ZNF85: variants seen among roughly 807,000 people sequenced by gnomAD.
ZNF85 encodes zinc finger protein 85, also known as zinc finger protein 85 (HPF4, HTF1).
Under a neutral mutation model 53.9 loss-of-function variants are expected in ZNF85, and 50 were observed. The ratio of observed to expected loss-of-function variants is 0.93; its 90% CI spans 0.74 to 1.17. The LOEUF is 1.17. Ranked by LOEUF, ZNF85 falls within the 50% of genes most tolerant of loss-of-function variation. The probability of loss-of-function intolerance (pLI) is 0.00; values close to 1 mark genes in which losing one functional copy is unlikely to be tolerated. For synonymous variants in ZNF85, 225 were observed against 226.1 expected, an observed-to-expected ratio of 1.00 and a Z score of 0.04; for missense variants, 747 against 688.5, an observed-to-expected ratio of 1.08 and a Z score of -0.95.
Position 20,923,488 on chromosome 19 carries a change from C to G in ZNF85, c.3+85C>G, listed in dbSNP as rs532517191. 8 of 1,602,248 alleles carry G rather than the reference C, an allele frequency of 5.0e-6. No homozygotes were observed. The East Asian group carries it at 1.8e-4, about 36-fold the overall frequency. ...GCGGCTGTGGCGGGACTCAGGCCTC[C>G]CTGTAGTCAGCTCCACAATCTGCGC... is the stretch of plus-strand genomic sequence containing the variant. On this transcript the variant is annotated intron_variant, in intron 1 of 3. Transcript: ENST00000328178.
chr19:20,944,953 A>G (rs56274621), intron 3 of ZNF85, among the ~76,000 whole-genome samples: 17,160 of 151,990 alleles, frequency 0.11, 989 homozygotes, highest in Middle Eastern at 0.13. Flanking sequence ...TTGTGTATTT[A>G]TTGTGTAGTT....
intron 3 of ZNF85, among the ~76,000 whole-genome samples, chr19:20,946,962 T>G (rs1186893747): frequency 2.0e-5 from 3 of 150,446 alleles, no homozygotes; most frequent in Non-Finnish European, 4.5e-5. Context: ...GAAACAGACT[T>G]ACAAATGTTA....
intron 1 of ZNF85, among the ~76,000 whole-genome samples, chr19:20,933,192 C>CAAA (rs10532648): frequency 9.2e-6 from 1 of 108,744 alleles, no homozygotes; most frequent in Non-Finnish European, 1.9e-5. Flanking sequence ...GACTCCGTCT[C>CAAA]AAAAAAAAAA....
rs1429270825 is a variant in ZNF85 at position 20,934,259 on chromosome 19, TC to T, written c.130+112del. On this transcript the variant is annotated intron_variant, in intron 2 of 3. Transcript: ENST00000328178. ...GTGCTTTGCATAAATTAGTTTCAGA[TC>T]CCTGTTTTCAAGAAAATCTTGGGGA... 2.0e-5 allele frequency: 28 copies of T among 1,402,012 alleles called. No individual in the cohort carries two copies. In the Admixed American group the frequency reaches 6.5e-4, roughly 32 times the overall value. 86.8% of individuals were successfully genotyped at this position (1,402,012 alleles called of 1,614,324 possible).
chr19:20,929,482 C>A (rs1972957887), intron 1 of ZNF85, among the ~76,000 whole-genome samples: 1 of 151,988 alleles, frequency 6.6e-6, no homozygotes, highest in African/African-American at 2.4e-5. Flanking sequence ...CTGCACCCAG[C>A]CTATTTCTAT....
chr19:20,933,993 G>GTGTGTA, intron 1 of ZNF85, 31 bp from the exon 2 acceptor site: 4 of 1,307,744 alleles, frequency 3.1e-6, no homozygotes, highest in African/African-American at 1.6e-5. Flanking sequence ...GTGTGTGTGT[G>GTGTGTA]TGTGTATGTG....
intron 3 of ZNF85, chr19:20,942,894 G>A: frequency 8.8e-6 from 6 of 685,160 alleles, no homozygotes; most frequent in South Asian, 7.7e-5. Flanking sequence ...TTCCACCTCA[G>A]CCTCCCGAGT....
chr19:20,932,483 AT>A (rs1225600227), intron 1 of ZNF85, among the ~76,000 whole-genome samples: 2 of 152,178 alleles, frequency 1.3e-5, no homozygotes, highest in Admixed American at 6.5e-5. Flanking sequence ...AATCTGCACT[AT>A]TAAAAATGTT....
chr19:20,950,422 A>G lies in ZNF85; in HGVS notation c.*120A>G, dbSNP rs1973556288. On this transcript the variant is annotated 3_prime_UTR_variant, in exon 4 of 4. Transcript: ENST00000328178. ...AATTTTGACAACACCTCAGACTTAT[A>G]AAAGTAATCATACTGGTGAGAAATT... is the stretch of plus-strand genomic sequence containing the variant. The G allele has an allele frequency of 7.5e-6, 4 of 529,858 alleles. No individual in the cohort carries two copies. Among genetic ancestry groups the G allele is most frequent in the Non-Finnish European group, 1.2e-5 (4 of 327,574 alleles). 32.8% of individuals were successfully genotyped at this position (529,858 alleles called of 1,614,324 possible). A position where few individuals can be genotyped will look rare whatever the true frequency, so the allele number is the denominator to read the frequency against.
Position 20,948,737 on chromosome 19 carries a change from C to T in ZNF85, c.230-7C>T, listed in dbSNP as rs780051993. 9 of 1,515,354 alleles carry T rather than the reference C, an allele frequency of 5.9e-6. No individual in the cohort carries two copies. In the East Asian group the frequency reaches 9.1e-5, roughly 15 times the overall value. 93.9% of individuals were successfully genotyped at this position (1,515,354 alleles called of 1,614,324 possible). ...GTGGAGTAATTTGTCATTTTTGTTT[C>T]TTTCAGTTATGTGTTCTCATTTTGC... On this transcript the variant is annotated splice_polypyrimidine_tract_variant and splice_region_variant and intron_variant, in intron 3 of 3. Coordinates refer to ENST00000328178, the MANE Select transcript of ZNF85 (RefSeq NM_003429.5).
intron 1 of ZNF85, among the ~76,000 whole-genome samples, chr19:20,923,615 C>T (rs1198349687): frequency 1.3e-5 from 2 of 152,200 alleles, no homozygotes; most frequent in Non-Finnish European, 2.9e-5. Context: ...TGCGCAGTGA[C>T]TGTGCCCTGG....
chr19:20,935,821 A>G, intron 3 of ZNF85, among the ~76,000 whole-genome samples: 1 of 152,154 alleles, frequency 6.6e-6, no homozygotes, highest in Non-Finnish European at 1.5e-5. Flanking sequence ...AAGTGCTAGG[A>G]TTACAGGCGT....
intron 3 of ZNF85, among the ~76,000 whole-genome samples, chr19:20,936,261 T>C (rs1450285420): frequency 7.2e-6 from 1 of 138,416 alleles, no homozygotes. Context: ...CTTTTACTTA[T>C]TTGTCTTCAA....
chr19:20,948,918 A>G lies in ZNF85; in HGVS notation c.404A>G (p.Asn135Ser), dbSNP rs781095483. ...CACAAAGGAGGTTGTAATGGACTTA[A>G]CCAATGTCTCACAGCTACCCAGAGC... is the stretch of plus-strand genomic sequence containing the variant. ...KMHKGGCNGLNQCLTATQSKI... is the reference protein window; with the variant it reads ...KMHKGGCNGLSQCLTATQSKI... The change falls in exon 4 of 4, where the codon AAC becomes AGC. Residue 135 changes from asparagine to serine, a missense_variant. Physicochemically the swap from Asn to Ser is conservative, Grantham distance 46. Transcript: ENST00000328178. 1 of 1,613,748 alleles carries G rather than the reference A, an allele frequency of 6.2e-7. No individual in the cohort carries two copies. The highest frequency in any genetic ancestry group is 1.1e-5 in the South Asian group (1 of 91,024).
At chr19:20,925,014 A>C (rs1972846461) in intron 1 of ZNF85, among the ~76,000 whole-genome samples, 1 of 152,132 alleles carries the variant, frequency 6.6e-6, no homozygotes, top group African/African-American at 2.4e-5. Flanking sequence ...TAGAGTGTCT[A>C]GTGAATATCA....
rs191770529 is a variant in ZNF85 at position 20,943,956 on chromosome 19, A to G, written c.230-4788A>G. On this transcript the variant is annotated intron_variant, in intron 3 of 3. Transcript: ENST00000328178. ...ATTGTGGTTATATTTGCATGTAATA[A>G]AAAGTTTTTCCATTCTGTTACTTTC... 2,087 of 241,790 alleles carry G rather than the reference A, an allele frequency of 8.6e-3. 11 individuals are homozygous for G. The highest frequency in any genetic ancestry group is 0.012 in the Non-Finnish European group (1,780 of 150,278). 15.0% of individuals were successfully genotyped at this position (241,790 alleles called of 1,614,324 possible).
At chr19:20,942,871 G>T in intron 3 of ZNF85, 1 of 694,622 alleles carries the variant, frequency 1.4e-6, no homozygotes, top group Non-Finnish European at 2.6e-6. Context: ...AACCTTCTGG[G>T]GTCAAGTGAT....
chr19:20,933,709 T>A (rs1973081932), intron 1 of ZNF85, among the ~76,000 whole-genome samples: 1 of 152,194 alleles, frequency 6.6e-6, no homozygotes, highest in Non-Finnish European at 1.5e-5. Flanking sequence ...CATCCAAAAA[T>A]ACACATTTTT....
Position 20,923,324 on chromosome 19 carries a change from C to T in ZNF85, c.-77C>T. 1.2e-6 allele frequency: 2 copies of T among 1,609,646 alleles called. No homozygotes were observed. Among genetic ancestry groups the T allele is most frequent in the Non-Finnish European group, 1.7e-6 (2 of 1,176,546 alleles). The stretch of plus-strand genomic sequence containing the variant: ...TTTGTGTTTTCTGCTCGTGGACGCC[C>T]AGCCTCTGTGGCCCTGTGGCCTGCA... On this transcript the variant is annotated 5_prime_UTR_variant, in exon 1 of 4. Transcript: ENST00000328178.
Sources: allele counts gnomAD v4.1 joint callset (sites outside exome capture counted in the v4.1 genomes callset), GRCh38; gene constraint gnomAD v4.1.1; transcripts MANE v1.5; gene names NCBI Gene and HGNC (gene_info 2026-07-23, HGNC 2026-07-21).